CDH9: variants seen among roughly 807,000 people sequenced by gnomAD.
CDH9 encodes cadherin 9.
Under a neutral mutation model 70.9 loss-of-function variants are expected in CDH9, and 28 were observed. The observed-to-expected ratio is 0.40, with a 90% CI of 0.29 to 0.54. CDH9 has a LOEUF of 0.54. Among genes scored for constraint, CDH9 ranks in the 20% least tolerant of loss-of-function variants. The pLI is 0.59. For synonymous variants in CDH9, 409 were observed against 343.1 expected, an observed-to-expected ratio of 1.19 and a Z score of -2.12; for missense variants, 874 against 984.4, an observed-to-expected ratio of 0.89 and a Z score of 1.50.
At chr5:26,929,856 C>T (rs1007337581) in intron 2 of CDH9, among the ~76,000 whole-genome samples, 2 of 150,914 alleles carry the variant, frequency 1.3e-5, no homozygotes, top group African/African-American at 4.9e-5. Context: ...AGTTTAGTAT[C>T]GAATGGGGAG....
At chr5:27,030,144 G>A (rs1402703213) in intron 1 of CDH9, among the ~76,000 whole-genome samples, 1 of 151,928 alleles carries the variant, frequency 6.6e-6, no homozygotes, top group Non-Finnish European at 1.5e-5. Context: ...AGGTCTTCTT[G>A]TTAGTAAAAG....
chr5:26,989,708 T>G (rs1002418472), intron 1 of CDH9, among the ~76,000 whole-genome samples: 1 of 152,242 alleles, frequency 6.6e-6, no homozygotes, highest in African/African-American at 2.4e-5. Flanking sequence ...CTGATTTACC[T>G]TGTTTAAGCC....
chr5:26,891,959 C>A (rs1740667720), intron 7 of CDH9, among the ~76,000 whole-genome samples: 1 of 152,122 alleles, frequency 6.6e-6, no homozygotes, highest in Non-Finnish European at 1.5e-5. Flanking sequence ...CCTGAATGAT[C>A]AAGGAAGCAA....
intron 2 of CDH9, among the ~76,000 whole-genome samples, chr5:26,971,295 T>G (rs532386863): frequency 4.2e-4 from 64 of 152,280 alleles, no homozygotes; most frequent in African/African-American, 1.4e-3. Context: ...TTATATCTCA[T>G]AGAATACAAA....
chr5:26,939,144 C>T (rs970952332), intron 2 of CDH9, among the ~76,000 whole-genome samples: 23 of 151,488 alleles, frequency 1.5e-4, no homozygotes, highest in Non-Finnish European at 3.2e-4. Context: ...GTCGATTCTC[C>T]CAATATCACT....
intron 7 of CDH9, among the ~76,000 whole-genome samples, chr5:26,894,075 A>C (rs1473628822): frequency 2.0e-5 from 3 of 152,184 alleles, no homozygotes; most frequent in Admixed American, 1.3e-4. Context: ...TACACAAAGA[A>C]AGAGGAAGCA....
intron 2 of CDH9, among the ~76,000 whole-genome samples, chr5:26,943,894 T>C (rs529573438): frequency 3.9e-5 from 6 of 152,356 alleles, no homozygotes; most frequent in African/African-American, 9.6e-5. Flanking sequence ...GTTTATATTA[T>C]ATAACATACA....
chr5:26,923,394 A>G (rs1163843688), intron 2 of CDH9, among the ~76,000 whole-genome samples: 1 of 151,954 alleles, frequency 6.6e-6, no homozygotes, highest in Non-Finnish European at 1.5e-5. Context: ...CAACCTATAT[A>G]TAAAACCTTA....
chr5:26,959,787 A>G (rs955916934), intron 2 of CDH9, among the ~76,000 whole-genome samples: 3 of 152,090 alleles, frequency 2.0e-5, no homozygotes, highest in African/African-American at 7.2e-5. Context: ...TATATAACAT[A>G]TAAAATAAAT....
At chr5:26,908,677 A>C (rs955007421) in intron 3 of CDH9, among the ~76,000 whole-genome samples, 1 of 152,182 alleles carries the variant, frequency 6.6e-6, no homozygotes. Flanking sequence ...GAAGTTACGC[A>C]AGGACGCTTA....
In CDH9 at chr5:26,988,205, A is replaced by G; in HGVS notation, c.129T>C (p.Asp43=). The stretch of plus-strand genomic sequence containing the variant: ...TGGTGCGACGTAGCATTTTACCGTC[A>G]TCTTTTGTCAGACCCGCTATCTTTT... The part of the protein sequence containing the change: ...SSKKIAGLTK[D]DGKMLRRTKR... Residue 43 remains aspartate, a synonymous_variant, in exon 2 of 12, where the codon GAT becomes GAC. Coordinates refer to ENST00000231021, the MANE Select transcript of CDH9 (RefSeq NM_016279.4). 1.2e-6 allele frequency: 2 copies of G among 1,613,484 alleles called. No homozygotes were observed. The highest frequency in any genetic ancestry group is 1.7e-6 in the Non-Finnish European group (2 of 1,179,618).
chr5:27,037,820 T>C (rs538136441), intron 1 of CDH9, among the ~76,000 whole-genome samples: 3 of 152,026 alleles, frequency 2.0e-5, no homozygotes, highest in Admixed American at 6.6e-5. Context: ...AGCTCACAGA[T>C]GTATACATTC....
chr5:26,928,107 CA>C (rs1365965870), intron 2 of CDH9, among the ~76,000 whole-genome samples: 1 of 151,890 alleles, frequency 6.6e-6, no homozygotes, highest in Non-Finnish European at 1.5e-5. Context: ...CTAAAGACCC[CA>C]CCAAAAAACT....
chr5:27,005,182 T>C (rs1014116889), intron 1 of CDH9, among the ~76,000 whole-genome samples: 1 of 152,140 alleles, frequency 6.6e-6, no homozygotes, highest in African/African-American at 2.4e-5. Flanking sequence ...CTTTTTCAAA[T>C]TAATTTAGAA....
intron 8 of CDH9, 63 bp from the exon 9 acceptor site, chr5:26,890,020 C>A (rs1190781073): frequency 8.1e-6 from 12 of 1,485,228 alleles, no homozygotes; most frequent in South Asian, 7.3e-5. Flanking sequence ...AACCACTCAC[C>A]CATTTGTAGC....
chr5:26,920,366 GATTT>G (rs1214125808), intron 2 of CDH9, among the ~76,000 whole-genome samples: 2 of 151,978 alleles, frequency 1.3e-5, no homozygotes, highest in Non-Finnish European at 2.9e-5. Flanking sequence ...AACCCACACA[GATTT>G]ATAAGGTTCC....
At chr5:26,993,853 G>A (rs763208519) in intron 1 of CDH9, among the ~76,000 whole-genome samples, 2 of 152,008 alleles carry the variant, frequency 1.3e-5, no homozygotes, top group Admixed American at 6.6e-5. Context: ...TCAGGGTAGG[G>A]GTGGTCACCC....
At chr5:26,959,847 G>C (rs1742004617) in intron 2 of CDH9, among the ~76,000 whole-genome samples, 1 of 151,908 alleles carries the variant, frequency 6.6e-6, no homozygotes, top group Admixed American at 6.6e-5. Context: ...ACAGATTAGT[G>C]ATTGTCAGTG....
chr5:26,987,380 G>C (rs1166764006), intron 2 of CDH9, among the ~76,000 whole-genome samples: 2 of 151,780 alleles, frequency 1.3e-5, no homozygotes, highest in African/African-American at 4.8e-5. Flanking sequence ...GTAAGGAAAA[G>C]GATGATAGAT....
Sources: gnomAD v4.1 joint callset for allele counts (sites outside exome capture counted in the v4.1 genomes callset) on GRCh38, gnomAD v4.1.1 for gene constraint, MANE v1.5 for transcripts, NCBI Gene and HGNC (gene_info 2026-07-23, HGNC 2026-07-21) for gene names.